Variants in C1orf21 observed in about 807,000 individuals in gnomAD.
C1orf21 encodes uncharacterized protein C1orf21.
A neutral mutation model predicts 18.7 loss-of-function variants in C1orf21; 3 were observed. That is an observed-to-expected ratio of 0.16 (90% confidence interval 0.07 to 0.42). The LOEUF (loss-of-function observed/expected upper bound fraction) is 0.42, where lower values mean the gene tolerates loss of function less well. Ranked by LOEUF, C1orf21 falls within the 10% of genes least tolerant of loss-of-function variation. The pLI, the probability that C1orf21 is intolerant of heterozygous loss-of-function variation, is 0.99. For missense variants in C1orf21, 104 were observed against 143.6 expected, an observed-to-expected ratio of 0.72 and a Z score of 1.41; for synonymous variants, 41 against 46.4, an observed-to-expected ratio of 0.88 and a Z score of 0.47.
At chr1:184,507,775 G>C (rs1172315765) in intron 3 of C1orf21, 93 bp downstream of exon 3, 3 of 965,950 alleles carry the variant, frequency 3.1e-6, no homozygotes, top group Non-Finnish European at 3.0e-6. Context: ...TTACACACTG[G>C]CACAAGATTT....
intron 3 of C1orf21, among the ~76,000 whole-genome samples, chr1:184,521,953 A>C (rs1658311615): frequency 6.6e-6 from 1 of 152,230 alleles, no homozygotes. Context: ...GCACTGTACT[A>C]ATTTTTACTA....
At chr1:184,406,116 C>A (rs1571343302) in intron 1 of C1orf21, among the ~76,000 whole-genome samples, 1 of 152,128 alleles carries the variant, frequency 6.6e-6, no homozygotes, top group African/African-American at 2.4e-5. Context: ...AAGATAAAAT[C>A]TCTTACATGT....
At chr1:184,505,154 G>T (rs753552287) in intron 2 of C1orf21, among the ~76,000 whole-genome samples, 4 of 151,780 alleles carry the variant, frequency 2.6e-5, no homozygotes, top group Non-Finnish European at 2.9e-5. Context: ...GTGGGCAAGT[G>T]CAAGGGCATC....
chr1:184,492,889 G>T (rs2101956867), intron 2 of C1orf21, among the ~76,000 whole-genome samples: 1 of 152,270 alleles, frequency 6.6e-6, no homozygotes, highest in South Asian at 2.1e-4. Context: ...TAGGCCAAAA[G>T]GAGAACATTT....
chr1:184,533,670 T>C (rs1658504627), intron 3 of C1orf21, among the ~76,000 whole-genome samples: 1 of 152,182 alleles, frequency 6.6e-6, no homozygotes, highest in Non-Finnish European at 1.5e-5. Context: ...AAGTGACTAG[T>C]TCTGTATACC....
intron 1 of C1orf21, among the ~76,000 whole-genome samples, chr1:184,431,814 A>T (rs1656770336): frequency 6.6e-6 from 1 of 152,170 alleles, no homozygotes; most frequent in African/African-American, 2.4e-5. Context: ...CCAGGAACTC[A>T]AACAAATTTA....
chr1:184,419,607 C>T (rs967181989), intron 1 of C1orf21, among the ~76,000 whole-genome samples: 19 of 151,498 alleles, frequency 1.3e-4, no homozygotes, highest in African/African-American at 3.2e-4. Flanking sequence ...ATGTCAGTTA[C>T]GCCATATGTT....
At chr1:184,595,155 C>T (rs1659495660) in intron 4 of C1orf21, among the ~76,000 whole-genome samples, 1 of 152,178 alleles carries the variant, frequency 6.6e-6, no homozygotes, top group Non-Finnish European at 1.5e-5. Context: ...ATAGGAATTA[C>T]TAAAATTATT....
chr1:184,585,075 C>T (rs1321585006), intron 3 of C1orf21, among the ~76,000 whole-genome samples: 1 of 151,992 alleles, frequency 6.6e-6, no homozygotes, highest in Admixed American at 6.6e-5. Context: ...TAAATTTTAC[C>T]CCCATAAGGC....
chr1:184,473,289 G>C (rs978764677), intron 1 of C1orf21, among the ~76,000 whole-genome samples: 2 of 152,148 alleles, frequency 1.3e-5, no homozygotes. Context: ...TAACATGCTG[G>C]TAATAACAAC....
chr1:184,423,235 T>C (rs1330491702), intron 1 of C1orf21, among the ~76,000 whole-genome samples: 1 of 152,190 alleles, frequency 6.6e-6, no homozygotes, highest in Non-Finnish European at 1.5e-5. Context: ...AAAGATTCCT[T>C]CCTCATTCAG....
At chr1:184,407,522 GT>G (rs1656266430) in intron 1 of C1orf21, among the ~76,000 whole-genome samples, 1 of 152,178 alleles carries the variant, frequency 6.6e-6, no homozygotes, top group African/African-American at 2.4e-5. Context: ...ATCCTGAGTT[GT>G]GCCGCATCCG....
At chr1:184,488,270 T>C (rs920210191) in intron 2 of C1orf21, among the ~76,000 whole-genome samples, 2 of 152,240 alleles carry the variant, frequency 1.3e-5, no homozygotes, top group African/African-American at 4.8e-5. Flanking sequence ...GAATGATGAA[T>C]ATAATATTAT....
intron 2 of C1orf21, among the ~76,000 whole-genome samples, chr1:184,491,595 G>A (rs1382559886): frequency 6.6e-6 from 1 of 152,098 alleles, no homozygotes; most frequent in Non-Finnish European, 1.5e-5. Context: ...CAAGCAATCT[G>A]CCCACCTTGG....
rs1298402980 is a variant in C1orf21 at position 184,529,513 on chromosome 1, TAA to T, written c.189+21832_189+21833del. Reference sequence around the variant, plus strand: ...GTACATATGTATTTATGAGTATACTTAACAGGAAGTTGCATACAGATATGTGT... The same window carrying T: ...GTACATATGTATTTATGAGTATACTTCAGGAAGTTGCATACAGATATGTGT... On this transcript the variant is annotated intron_variant, in intron 3 of 5. Coordinates refer to ENST00000235307, the MANE Select transcript of C1orf21 (RefSeq NM_030806.4). 2.0e-5 allele frequency among the ~76,000 whole-genome samples: 3 copies of T among 152,326 alleles called. No individual in the cohort carries two copies. In the East Asian group the frequency reaches 5.8e-4, roughly 29 times the overall value.
intron 5 of C1orf21, among the ~76,000 whole-genome samples, chr1:184,612,613 G>T (rs2890016): frequency 0.17 from 25,331 of 151,998 alleles, 2,402 homozygotes; most frequent in East Asian, 0.31. Context: ...CTCGGGAGGC[G>T]AAGGTTGCAG....
At chr1:184,450,140 A>G (rs984516172) in intron 1 of C1orf21, among the ~76,000 whole-genome samples, 1 of 152,088 alleles carries the variant, frequency 6.6e-6, no homozygotes, top group African/African-American at 2.4e-5. Flanking sequence ...CATGGAGGGA[A>G]GGTGTGGGGT....
intron 1 of C1orf21, among the ~76,000 whole-genome samples, chr1:184,474,631 T>C (rs1021213069): frequency 6.6e-6 from 1 of 152,138 alleles, no homozygotes; most frequent in Non-Finnish European, 1.5e-5. Context: ...AGATATGAAA[T>C]TGGAAAAGCA....
At chr1:184,469,419 T>C (rs899447792) in intron 1 of C1orf21, among the ~76,000 whole-genome samples, 1 of 152,198 alleles carries the variant, frequency 6.6e-6, no homozygotes, top group Non-Finnish European at 1.5e-5. Context: ...GGGATTGAAC[T>C]GGATTGAAAA....
Sources: allele counts gnomAD v4.1 joint callset (sites outside exome capture counted in the v4.1 genomes callset), GRCh38; gene constraint gnomAD v4.1.1; transcripts MANE v1.5; gene names NCBI Gene and HGNC (gene_info 2026-07-23, HGNC 2026-07-21).